Variants in MUC4 observed in about 807,000 individuals in gnomAD.
The protein encoded by MUC4 is mucin-4.
A neutral mutation model predicts 257.9 loss-of-function variants in MUC4; 202 were observed. That is an observed-to-expected ratio of 0.78 (90% CI 0.70 to 0.88). MUC4 has a LOEUF of 0.88. MUC4 is among the 40% of genes least tolerant of loss of function. MUC4 has a pLI of 0.00. For missense variants in MUC4, 5,976 were observed against 6,513.7 expected, an observed-to-expected ratio of 0.92 and a Z score of 2.84; for synonymous variants, 2,351 against 2,757.1, an observed-to-expected ratio of 0.85 and a Z score of 4.62.
intron 3 of MUC4, among the ~76,000 whole-genome samples, chr3:195,774,626 G>C (rs1444718319): frequency 6.6e-6 from 1 of 152,196 alleles, no homozygotes; most frequent in Non-Finnish European, 1.5e-5. Context: ...TCTATGCTGG[G>C]TGCGGTGGCT....
In MUC4 at chr3:195,780,964, A is replaced by C. The variant is rs554599133; in HGVS notation, c.10616T>G (p.Val3539Gly). ...VSTGHATPLPVTSLSSVSTGD... is the reference protein window; with the variant it reads ...VSTGHATPLPGTSLSSVSTGD... ...TGTGGATACTGAGGAAAGGCTGGTG[A>C]CAGGAAGAGGCGTGGCGTGACCGGT... is the stretch of plus-strand genomic sequence containing the variant. The change falls in exon 2 of 25, where the codon GTC (valine) becomes GGC (glycine). Residue 3539 changes from valine (V) to glycine (G), a missense_variant. Val to Gly is a moderately radical substitution (Grantham distance 109). This residue lies in a region of MUC4 where 297 missense variants were observed against 240.9 expected (regional missense o/e 1.23). Coordinates refer to ENST00000463781, the MANE Select transcript of MUC4 (RefSeq NM_018406.7). 1 of 1,499,196 alleles carries C rather than the reference A, an allele frequency of 6.7e-7. No homozygotes were observed. Among genetic ancestry groups the C allele is most frequent in the Non-Finnish European group, 9.0e-7 (1 of 1,113,694 alleles). 92.9% of individuals were successfully genotyped at this position (1,499,196 alleles called of 1,614,324 possible). A position where few individuals can be genotyped will look rare whatever the true frequency, so the allele number is the denominator to read the frequency against.
intron 7 of MUC4, among the ~76,000 whole-genome samples, chr3:195,767,142 G>C (rs943478357): frequency 6.6e-5 from 10 of 152,082 alleles, no homozygotes; most frequent in Admixed American, 6.5e-4. Context: ...CCAGTTTCTG[G>C]AGTTAGGCAG....
intron 1 of MUC4, among the ~76,000 whole-genome samples, chr3:195,799,301 A>G (rs1213953487): frequency 6.6e-6 from 1 of 151,294 alleles, no homozygotes; most frequent in African/African-American, 2.4e-5. Context: ...GGAACATTGG[A>G]CATAGCCTTT....
In MUC4 at chr3:195,784,574, G is replaced by T; in HGVS notation, c.7006C>A (p.Pro2336Thr). 4.1e-6 allele frequency: 6 copies of T among 1,473,418 alleles called. No individual in the cohort carries two copies. Among genetic ancestry groups the T allele is most frequent in the South Asian group, 1.2e-5 (1 of 81,674 alleles). 91.3% of individuals were successfully genotyped at this position (1,473,418 alleles called of 1,614,324 possible). ...LSSASTGDTTPLPVTSPSSAS... is the reference protein window; with the variant it reads ...LSSASTGDTTTLPVTSPSSAS... ...GAGGAAGGGCTAGTGACAGGAAGAGGCGTGGTGTCACCTGTGGATGCTGAG... is the reference window on the plus strand; with the variant it reads ...GAGGAAGGGCTAGTGACAGGAAGAGTCGTGGTGTCACCTGTGGATGCTGAG... The change falls in exon 2 of 25, where the codon CCT (proline) becomes ACT (threonine). Residue 2336 changes from proline to threonine, a missense_variant. By Grantham distance (38) the Pro-to-Thr change is conservative. Around this residue, in one of 44 missense-constraint regions of MUC4, gnomAD observed 35 missense variants for 64.3 expected, o/e 0.54. Transcript: ENST00000463781.
At chr3:195,797,385 C>T (rs3103951) in intron 1 of MUC4, among the ~76,000 whole-genome samples, 129,110 of 152,140 alleles carry the variant, frequency 0.85, 55,398 homozygotes, top group African/African-American at 0.97. Context: ...ATAAACAGAA[C>T]GGAGGGGAGA....
chr3:195,748,035 C>G lies in MUC4; in HGVS notation c.16035-655G>C, dbSNP rs1424275503. On this transcript the variant is annotated intron_variant, in intron 24 of 24. Coordinates refer to ENST00000463781, the MANE Select transcript of MUC4 (RefSeq NM_018406.7). ...GGCCCCGCCCCACCCGCGCTCCGCCCGCCCCCTCCTTCGGCGGGATCTGGA... is the reference window on the plus strand; with the variant it reads ...GGCCCCGCCCCACCCGCGCTCCGCCGGCCCCCTCCTTCGGCGGGATCTGGA... Among the ~76,000 whole-genome samples, 30 of 152,210 alleles carry G rather than the reference C, an allele frequency of 2.0e-4. 1 individual carries two copies. The highest frequency in any genetic ancestry group is 3.7e-4 in the Non-Finnish European group (25 of 68,016).
intron 1 of MUC4, among the ~76,000 whole-genome samples, chr3:195,806,426 A>G (rs1180933809): frequency 6.6e-6 from 1 of 152,144 alleles, no homozygotes; most frequent in Non-Finnish European, 1.5e-5. Context: ...ACTTTTCCAC[A>G]CTGCATTTAC....
Position 195,753,053 on chromosome 3 carries a change from A to G in MUC4, c.15506T>C (p.Leu5169Pro). Residue 5169 changes from leucine to proline, a missense_variant and splice_region_variant, in exon 20 of 25, where the codon CTA becomes CCA. Around this residue, in one of 44 missense-constraint regions of MUC4, gnomAD observed 996 missense variants for 1,137.3 expected, o/e 0.88. Transcript: ENST00000463781. ...AGNNFSPTVN[L>P]ELPLRVIQLL... Reference sequence around the variant, plus strand: ...GAGGGCGGGGTCTCTGGCGGTACCTAGGTTGACAGTTGGACTGAAGTTGTT... The same window carrying G: ...GAGGGCGGGGTCTCTGGCGGTACCTGGGTTGACAGTTGGACTGAAGTTGTT... 1.2e-6 allele frequency: 2 copies of G among 1,606,118 alleles called. No homozygotes were observed. The highest frequency in any genetic ancestry group is 1.7e-6 in the Non-Finnish European group (2 of 1,176,060).
In MUC4 at chr3:195,767,595, C is replaced by G. The variant is rs1478110859; in HGVS notation, c.13530-844G>C. Among the ~76,000 whole-genome samples the G allele has an allele frequency of 2.5e-5, 3 of 119,324 alleles. 1 individual carries two copies. Among genetic ancestry groups the G allele is most frequent in the African/African-American group, 7.6e-5 (2 of 26,374 alleles). 78.3% of individuals were successfully genotyped at this position (119,324 alleles called of 152,430 possible). A position where few individuals can be genotyped will look rare whatever the true frequency, so the allele number is the denominator to read the frequency against. On this transcript the variant is annotated intron_variant, in intron 7 of 24. Coordinates refer to ENST00000463781, the MANE Select transcript of MUC4 (RefSeq NM_018406.7). ...CCATCACCACCACCATCACCACCAC[C>G]ACCATCATCACCATTGCCACCACCA... is the stretch of plus-strand genomic sequence containing the variant.
chr3:195,747,386 GACCA>G lies in MUC4; in HGVS notation c.16035-10_16035-7del. On this transcript the variant is annotated splice_region_variant and splice_polypyrimidine_tract_variant and intron_variant, in intron 24 of 24. Transcript: ENST00000463781. ...AGATGGAGAAGGACACACAGCTGGT[GACCA>G]AGAGAGACAGACAGGCGGTCAGAGG... is the stretch of plus-strand genomic sequence containing the variant. 7 of 1,613,032 alleles carry G rather than the reference GACCA, an allele frequency of 4.3e-6. No homozygotes were observed. Among genetic ancestry groups the G allele is most frequent in the Non-Finnish European group, 5.9e-6 (7 of 1,179,358 alleles).
chr3:195,763,020 C>G, intron 12 of MUC4, 75 bp from the exon 13 acceptor site: 1 of 1,266,362 alleles, frequency 7.9e-7, no homozygotes, highest in Non-Finnish European at 1.1e-6. Flanking sequence ...CTGGGAGAGC[C>G]CCTGGGGCTG....
At chr3:195,763,349 T>G (rs1719661297) in intron 12 of MUC4, 84 bp downstream of exon 12, 3 of 1,312,170 alleles carry the variant, frequency 2.3e-6, no homozygotes, top group Non-Finnish European at 2.0e-6. Context: ...CCTCCTTCGC[T>G]CTCTTCCTTC....
chr3:195,807,122 G>T (rs778868907), intron 1 of MUC4, among the ~76,000 whole-genome samples: 4 of 152,210 alleles, frequency 2.6e-5, no homozygotes, highest in Non-Finnish European at 4.4e-5. Context: ...CAAATGCCCA[G>T]TTCCTGAGAC....
rs1238904730 is a variant in MUC4, at chr3:195,760,908, A to G, written c.14824T>C (p.Tyr4942His). 6.8e-6 allele frequency: 11 copies of G among 1,614,162 alleles called. No homozygotes were observed. The highest frequency in any genetic ancestry group is 9.3e-6 in the Non-Finnish European group (11 of 1,180,028). ...CTGAGGGTGGCGTTCGCCTGCTCGT[A>G]GTTTTTACTGACTTCCCTCGTGTGA... The part of the protein sequence containing the change: ...GLHTREVSKN[Y>H]EQANATLNQY... The change falls in exon 16 of 25, where the codon TAC becomes CAC. Residue 4942 changes from tyrosine to histidine, a missense_variant. Transcript: ENST00000463781.
rs1258231290 is a variant in MUC4, at chr3:195,763,515, G to A, written c.14171C>T (p.Thr4724Ile). 1.9e-6 allele frequency: 3 copies of A among 1,564,870 alleles called. No homozygotes were observed. Among genetic ancestry groups the A allele is most frequent in the Non-Finnish European group, 1.7e-6 (2 of 1,153,616 alleles). The change falls in exon 12 of 25, where the codon ACC (threonine) becomes ATC (isoleucine). Residue 4724 changes from threonine to isoleucine, a missense_variant. Thr to Ile is a moderately conservative substitution (Grantham distance 89). This residue lies in a region of MUC4 where 996 missense variants were observed against 1,137.3 expected (regional missense o/e 0.88). Transcript: ENST00000463781. ...GGCCTGGGCTGAGCCAGTCTGGGCG[G>A]TGCGGCCCTGAAGCAGGAAGGAGGA... is the stretch of plus-strand genomic sequence containing the variant. ...GNSSFLLQGR[T>I]AQTGSAQATN...
intron 1 of MUC4, among the ~76,000 whole-genome samples, chr3:195,807,562 A>G (rs1400515616): frequency 6.6e-6 from 1 of 152,186 alleles, no homozygotes; most frequent in Non-Finnish European, 1.5e-5. Context: ...CAACAGACTC[A>G]GTTATTTTGA....
intron 3 of MUC4, among the ~76,000 whole-genome samples, chr3:195,777,437 A>T (rs1298527858): frequency 2.1e-4 from 3 of 14,178 alleles, no homozygotes; most frequent in Admixed American, 4.5e-4. Context: ...TTCCACACCC[A>T]TACCTTCCAC....
Position 195,789,229 on chromosome 3 carries a change from T to C in MUC4, c.2351A>G (p.Gln784Arg). ...GGAGGCCGGTTCGCTGGTCTGTGTTTGTCCAGAGGCCTCTGTGCTCTCAGC... is the reference window on the plus strand; with the variant it reads ...GGAGGCCGGTTCGCTGGTCTGTGTTCGTCCAGAGGCCTCTGTGCTCTCAGC... Reference protein sequence around the residue: ...HQAESTEASGQTQTSEPASSG... With the variant: ...HQAESTEASGRTQTSEPASSG... Residue 784 changes from glutamine (Q) to arginine (R), a missense_variant, in exon 2 of 25, where the codon CAA becomes CGA. This residue lies in a region of MUC4 where 1,583 missense variants were observed against 1,257.4 expected (regional missense o/e 1.26). Coordinates refer to ENST00000463781, the MANE Select transcript of MUC4 (RefSeq NM_018406.7). The C allele has an allele frequency of 3.1e-6, 5 of 1,613,890 alleles. No homozygotes were observed. Among genetic ancestry groups the C allele is most frequent in the Non-Finnish European group, 4.2e-6 (5 of 1,179,848 alleles).
intron 5 of MUC4, chr3:195,770,886 C>G (rs1392123081): frequency 4.4e-6 from 2 of 457,642 alleles, no homozygotes; most frequent in South Asian, 3.1e-5. Context: ...CCCCCTACAG[C>G]CTGATTTTAC....
Sources: allele counts gnomAD v4.1 joint callset (sites outside exome capture counted in the v4.1 genomes callset), GRCh38; gene constraint gnomAD v4.1.1; regional missense constraint gnomAD v4.1.1; transcripts MANE v1.5; gene names NCBI Gene and HGNC (gene_info 2026-07-23, HGNC 2026-07-21).